The following FOXP2 variants were observed in gnomAD, a reference collection of about 807,000 sequenced individuals.
FOXP2 encodes forkhead box protein P2.
A neutral mutation model predicts 115.8 loss-of-function variants in FOXP2; 12 were observed. The ratio of observed to expected loss-of-function variants is 0.10; its 90% CI spans 0.07 to 0.17. The LOEUF is 0.17. FOXP2 is among the 10% of genes least tolerant of loss of function. FOXP2 has a pLI of 1.00. For missense variants in FOXP2, 629 were observed against 843.5 expected, an observed-to-expected ratio of 0.75 and a Z score of 3.15; for synonymous variants, 328 against 297.7, an observed-to-expected ratio of 1.10 and a Z score of -1.05.
chr7:114,348,857 T>C (rs1384384808), intron 2 of FOXP2, among the ~76,000 whole-genome samples: 1 of 152,092 alleles, frequency 6.6e-6, no homozygotes, highest in Non-Finnish European at 1.5e-5. Context: ...CCAAGTCAGA[T>C]CAGCCATCAG....
chr7:114,205,546 A>G (rs1794179347), intron 1 of FOXP2, among the ~76,000 whole-genome samples: 1 of 152,188 alleles, frequency 6.6e-6, no homozygotes, highest in Non-Finnish European at 1.5e-5. Flanking sequence ...AAGTAACCCC[A>G]AGGACTGTGT....
intron 1 of FOXP2, among the ~76,000 whole-genome samples, chr7:114,244,597 T>TATTATTTA (rs1795231296): frequency 6.6e-6 from 1 of 152,240 alleles, no homozygotes; most frequent in Non-Finnish European, 1.5e-5. Context: ...GGGCTTTTCA[T>TATTATTTA]ACAGATTATT....
At chr7:114,398,945 A>T (rs1343233463) in intron 2 of FOXP2, among the ~76,000 whole-genome samples, 1 of 151,428 alleles carries the variant, frequency 6.6e-6, no homozygotes, top group Non-Finnish European at 1.5e-5. Flanking sequence ...CTGGTTATCT[A>T]ATATTTTAAT....
At chr7:114,297,054 A>AT (rs879207214) in intron 2 of FOXP2, 5,562 of 330,836 alleles carry the variant, frequency 0.017, 2 homozygotes, top group South Asian at 0.025. Flanking sequence ...CACTATATGC[A>AT]TTTTTTTTTT....
At chr7:114,233,993 CAGAG>C (rs1469703005) in intron 1 of FOXP2, among the ~76,000 whole-genome samples, 7 of 152,132 alleles carry the variant, frequency 4.6e-5, no homozygotes, top group Non-Finnish European at 1.5e-5. Context: ...GCCTGGGCAA[CAGAG>C]AGGGACTGTC....
At chr7:114,171,303 G>A (rs534066364) in intron 1 of FOXP2, among the ~76,000 whole-genome samples, 5 of 152,268 alleles carry the variant, frequency 3.3e-5, no homozygotes, top group Non-Finnish European at 5.9e-5. Flanking sequence ...GCCAGGTATG[G>A]TGGCTTACAC....
chr7:114,627,153 T>C (rs1172532138), intron 3 of FOXP2, among the ~76,000 whole-genome samples: 1 of 151,708 alleles, frequency 6.6e-6, no homozygotes, highest in Non-Finnish European at 1.5e-5. Context: ...TTTTTTTTTT[T>C]TCTTCTGCTT....
rs1157497390 is a variant in FOXP2 at position 114,330,500 on chromosome 7, G to GTA, written c.-11+42403_-11+42404dup. On this transcript the variant is annotated intron_variant, in intron 2 of 17. Transcript: ENST00000634411. ...AAAAAGTTTATATATATATATATGT[G>GTA]TATATATATATATGTACACACACAC... Among the ~76,000 whole-genome samples, 158 of 146,962 alleles carry GTA rather than the reference G, an allele frequency of 1.1e-3. 1 individual carries two copies. Among genetic ancestry groups the GTA allele is most frequent in the Middle Eastern group, 7.1e-3 (2 of 280 alleles).
intron 2 of FOXP2, among the ~76,000 whole-genome samples, chr7:114,469,167 A>G (rs1272380958): frequency 6.6e-6 from 1 of 152,112 alleles, no homozygotes; most frequent in African/African-American, 2.4e-5. Context: ...TTCTTCTTCC[A>G]TTGCCAGTTT....
intron 1 of FOXP2, among the ~76,000 whole-genome samples, chr7:114,169,142 T>C (rs1584520183): frequency 9.9e-6 from 1 of 101,184 alleles, no homozygotes; most frequent in East Asian, 2.4e-4. Flanking sequence ...CCACACAGAG[T>C]CCCTACTGGT....
chr7:114,681,047 A>G (rs762092767), intron 16 of FOXP2, among the ~76,000 whole-genome samples: 2 of 152,174 alleles, frequency 1.3e-5, no homozygotes, highest in African/African-American at 2.4e-5. Context: ...GTTAACTCCT[A>G]TATCACTTAA....
chr7:114,139,824 A>G (rs2129146827), intron 1 of FOXP2, among the ~76,000 whole-genome samples: 1 of 152,276 alleles, frequency 6.6e-6, no homozygotes, highest in Non-Finnish European at 1.5e-5. Flanking sequence ...AGATTGTATG[A>G]CAACTTGGGT....
chr7:114,689,652 A>G lies in FOXP2; in HGVS notation c.2004-130A>G, dbSNP rs1808553075. On this transcript the variant is annotated intron_variant, in intron 16 of 16. Coordinates refer to ENST00000350908, the MANE Select transcript of FOXP2 (RefSeq NM_014491.4). ...CTCTAACCAGCTCACGCAATCAATC[A>G]GATGCCCTTTTAAGAAAGACAATGT... 3.5e-6 allele frequency: 3 copies of G among 860,558 alleles called. No individual in the cohort carries two copies. In the South Asian group the frequency reaches 4.4e-5, roughly 13 times the overall value. 53.3% of individuals were successfully genotyped at this position (860,558 alleles called of 1,614,324 possible). A position where few individuals can be genotyped will look rare whatever the true frequency, so the allele number is the denominator to read the frequency against.
chr7:114,413,541 T>C (rs573002627), upstream of FOXP2, among the ~76,000 whole-genome samples: 1 of 152,210 alleles, frequency 6.6e-6, no homozygotes, highest in Non-Finnish European at 1.5e-5. Flanking sequence ...TGAAAAAAAT[T>C]GCTAACAGAA....
At chr7:114,208,765 T>A (rs1830283) in intron 1 of FOXP2, among the ~76,000 whole-genome samples, 38,215 of 151,878 alleles carry the variant, frequency 0.25, 5,436 homozygotes, top group African/African-American at 0.35. Flanking sequence ...GGAGTTTTCC[T>A]CCACAAGCTC....
chr7:114,252,757 T>G (rs576074131), intron 1 of FOXP2, among the ~76,000 whole-genome samples: 116 of 151,576 alleles, frequency 7.7e-4, no homozygotes, highest in African/African-American at 2.4e-3. Context: ...CTGCTTTCAT[T>G]GATTTTTTGA....
chr7:114,375,073 T>G (rs1285062089), intron 2 of FOXP2, among the ~76,000 whole-genome samples: 1 of 152,050 alleles, frequency 6.6e-6, no homozygotes, highest in African/African-American at 2.4e-5. Context: ...CACTGCAGAT[T>G]TCTTGGAATG....
Position 114,690,046 on chromosome 7 carries a change from A to G in FOXP2, c.*120A>G. 1 of 1,280,160 alleles carries G rather than the reference A, an allele frequency of 7.8e-7. No homozygotes were observed. Among genetic ancestry groups the G allele is most frequent in the Non-Finnish European group, 1.1e-6 (1 of 896,138 alleles). 79.3% of individuals were successfully genotyped at this position (1,280,160 alleles called of 1,614,324 possible). A position where few individuals can be genotyped will look rare whatever the true frequency, so the allele number is the denominator to read the frequency against. Reference sequence around the variant, plus strand: ...TATTTATTAAGCATGGATAAAGGAGACAGCCCTAAAGGAACTTACTAAGCC... The same window carrying G: ...TATTTATTAAGCATGGATAAAGGAGGCAGCCCTAAAGGAACTTACTAAGCC... On this transcript the variant is annotated 3_prime_UTR_variant, in exon 17 of 17. Transcript: ENST00000350908.
intron 2 of FOXP2, among the ~76,000 whole-genome samples, chr7:114,504,858 G>A (rs1238399749): frequency 1.3e-5 from 2 of 151,490 alleles, no homozygotes; most frequent in East Asian, 1.9e-4. Flanking sequence ...TCAGTAAAAA[G>A]CATTGGTATT....
Sources: allele counts gnomAD v4.1 joint callset (sites outside exome capture counted in the v4.1 genomes callset), GRCh38; gene constraint gnomAD v4.1.1; transcripts MANE v1.5; gene names NCBI Gene and HGNC (gene_info 2026-07-23, HGNC 2026-07-21).